Variants in BPTF observed in about 807,000 individuals in gnomAD.
BPTF encodes the protein nucleosome-remodeling factor subunit BPTF.
In BPTF, 18 loss-of-function variants were observed where a neutral mutation model predicts 292.5. That is an observed-to-expected ratio of 0.06 (90% CI 0.04 to 0.09). The LOEUF (loss-of-function observed/expected upper bound fraction) is 0.09, where lower values mean the gene tolerates loss of function less well. BPTF is among the 10% of genes least tolerant of loss of function. BPTF has a pLI of 1.00. For missense variants in BPTF, 2,726 were observed against 3,498.7 expected, an observed-to-expected ratio of 0.78 and a Z score of 5.57; for synonymous variants, 1,225 against 1,251.9, an observed-to-expected ratio of 0.98 and a Z score of 0.45.
chr17:67,909,658 A>G lies in BPTF; in HGVS notation c.2889A>G (p.Ile963Met), dbSNP rs757437994. 1 of 1,604,574 alleles carries G rather than the reference A, an allele frequency of 6.2e-7. No homozygotes were observed. Among genetic ancestry groups the G allele is most frequent in the Non-Finnish European group, 8.5e-7 (1 of 1,177,138 alleles). ...CACGAAGTCCAAAAAAAATAAAAAT[A>G]GAGCCTGATTCTGAAAAAGATGAGG... is the stretch of plus-strand genomic sequence containing the variant. ...KCSRSPKKIK[I>M]EPDSEKDEVK... Residue 963 changes from isoleucine (I) to methionine (M), a missense_variant, in exon 10 of 28, where the codon ATA becomes ATG. Ile to Met is a conservative substitution (Grantham distance 10). Transcript: ENST00000306378.
chr17:67,873,541 G>T (rs1266927814), intron 3 of BPTF, among the ~76,000 whole-genome samples: 2 of 151,624 alleles, frequency 1.3e-5, no homozygotes, highest in East Asian at 3.9e-4. Context: ...TTATTTTTAT[G>T]AGGAAACAGT....
At chr17:67,916,462 C>T (rs887845933) in intron 11 of BPTF, among the ~76,000 whole-genome samples, 4 of 152,120 alleles carry the variant, frequency 2.6e-5, no homozygotes, top group African/African-American at 9.6e-5. Context: ...TGGTGGCGGG[C>T]GCCTGTAATC....
At chr17:67,931,780 G>C in intron 17 of BPTF, 131 bp from the exon 18 acceptor site, 1 of 605,070 alleles carries the variant, frequency 1.7e-6, no homozygotes, top group Non-Finnish European at 2.7e-6. Flanking sequence ...AAAATGTAAT[G>C]TTCAAGAGCC....
At chr17:67,828,588 G>T (rs2056340205) in intron 1 of BPTF, among the ~76,000 whole-genome samples, 3 of 152,146 alleles carry the variant, frequency 2.0e-5, no homozygotes, top group South Asian at 4.1e-4. Context: ...GAGTGCAATG[G>T]CACAATCTTG....
chr17:67,923,032 T>C lies in BPTF; in HGVS notation c.5708+42T>C, dbSNP rs770918090. 49 of 1,572,192 alleles carry C rather than the reference T, an allele frequency of 3.1e-5. 1 individual carries two copies. In the South Asian group the frequency reaches 5.3e-4, roughly 17 times the overall value. On this transcript the variant is annotated intron_variant, in intron 14 of 27. Transcript: ENST00000306378. Reference sequence around the variant, plus strand: ...TACCTGGTCAGCTATTTGAAGATTTTATCACTTCAGAATCAATAAATTACT... The same window carrying C: ...TACCTGGTCAGCTATTTGAAGATTTCATCACTTCAGAATCAATAAATTACT...
chr17:67,905,998 A>G (rs756529581), intron 9 of BPTF, among the ~76,000 whole-genome samples: 2 of 152,126 alleles, frequency 1.3e-5, no homozygotes, highest in Non-Finnish European at 2.9e-5. Flanking sequence ...ATGTATACAT[A>G]TGTCACAAAC....
At chr17:67,836,498 A>C (rs2057142938) in intron 1 of BPTF, among the ~76,000 whole-genome samples, 1 of 152,200 alleles carries the variant, frequency 6.6e-6, no homozygotes, top group African/African-American at 2.4e-5. Context: ...GTCCTGTTCT[A>C]ATTCTTGCAT....
At chr17:67,896,595 G>A (rs1054900884) in intron 7 of BPTF, among the ~76,000 whole-genome samples, 1 of 152,182 alleles carries the variant, frequency 6.6e-6, no homozygotes, top group African/African-American at 2.4e-5. Flanking sequence ...GATTTTAAAA[G>A]CATGTGTGAT....
At chr17:67,979,485 A>G (rs2070046539) in intron 27 of BPTF, among the ~76,000 whole-genome samples, 1 of 152,112 alleles carries the variant, frequency 6.6e-6, no homozygotes, top group African/African-American at 2.4e-5. Context: ...CGGAGGTTGC[A>G]GTGCACCAAG....
chr17:67,951,754 T>G (rs538608640), intron 23 of BPTF: 1 of 152,160 alleles, frequency 6.6e-6, no homozygotes, highest in South Asian at 2.1e-4. Context: ...GGAAGAAAAG[T>G]TATACTTTGA....
Position 67,964,468 on chromosome 17 carries a change from C to G in BPTF, c.8454+64C>G. On this transcript the variant is annotated intron_variant, in intron 25 of 27. Transcript: ENST00000306378. The stretch of plus-strand genomic sequence containing the variant: ...AGCCAGCATAATTTTGGAAGCATTT[C>G]TAGGATTTCAAGTTTCCAATCTTAG... The G allele has an allele frequency of 5.3e-6, 8 of 1,502,894 alleles. No homozygotes were observed. The South Asian group carries it at 8.7e-5, about 16-fold the overall frequency. 93.1% of individuals were successfully genotyped at this position (1,502,894 alleles called of 1,614,324 possible).
chr17:67,928,328 C>T (rs778996553), intron 15 of BPTF, 27 bp from the exon 16 acceptor site: 2 of 1,577,904 alleles, frequency 1.3e-6, no homozygotes, highest in East Asian at 2.2e-5. Flanking sequence ...TATTTTGATT[C>T]ATGTTTCCTC....
At position 67,881,852 on chromosome 17, in the gene BPTF, G is replaced by GT. The variant is rs1280950839; in HGVS notation, c.1864+6837dup. On this transcript the variant is annotated intron_variant, in intron 4 of 27. Transcript: ENST00000306378. ...TAATATGGAGTTTTGGGGATTTTGG[G>GT]TTTTTGTTTTTTTTTTTTTTTTTTT... Among the ~76,000 whole-genome samples, 321 of 38,304 alleles carry GT rather than the reference G, an allele frequency of 8.4e-3. 1 individual carries two copies. The highest frequency in any genetic ancestry group is 0.023 in the East Asian group (29 of 1,284). 25.1% of individuals were successfully genotyped at this position (38,304 alleles called of 152,430 possible). A position where few individuals can be genotyped will look rare whatever the true frequency, so the allele number is the denominator to read the frequency against.
intron 19 of BPTF, among the ~76,000 whole-genome samples, chr17:67,941,716 T>G (rs991920510): frequency 1.7e-4 from 26 of 152,204 alleles, no homozygotes; most frequent in African/African-American, 6.0e-4. Flanking sequence ...TAAACTCAAT[T>G]CCAGGAGGAT....
At position 67,912,143 on chromosome 17, in the gene BPTF, G is replaced by C. The variant is rs747435319; in HGVS notation, c.4259G>C (p.Gly1420Ala). Residue 1420 changes from glycine to alanine, a missense_variant, in exon 11 of 28, where the codon GGT (glycine) becomes GCT (alanine). Gly to Ala is a moderately conservative substitution (Grantham distance 60). This residue lies in a region of BPTF where 713 missense variants were observed against 714.9 expected (regional missense o/e 1.00). Coordinates refer to ENST00000306378, the MANE Select transcript of BPTF (RefSeq NM_182641.4). Reference protein sequence around the residue: ...KDNKPKIYLKGECLKEISESR... With the variant: ...KDNKPKIYLKAECLKEISESR... ...AATAAACCCAAAATATATTTGAAAG[G>C]TGAATGCTTGAAAGAAATTTCTGAG... 6.2e-7 allele frequency: 1 copy of C among 1,612,240 alleles called. No individual in the cohort carries two copies. Among genetic ancestry groups the C allele is most frequent in the South Asian group, 1.1e-5 (1 of 90,476 alleles).
At position 67,857,751 on chromosome 17, in the gene BPTF, G is replaced by C. The variant is rs117311772; in HGVS notation, c.1436+2989G>C. 8.9e-4 allele frequency among the ~76,000 whole-genome samples: 135 copies of C among 151,026 alleles called. 3 individuals are homozygous for C. The East Asian group carries it at 0.024, about 26-fold the overall frequency. On this transcript the variant is annotated intron_variant, in intron 2 of 27. Coordinates refer to ENST00000306378, the MANE Select transcript of BPTF (RefSeq NM_182641.4). The stretch of plus-strand genomic sequence containing the variant: ...CAAAGTGCTGGGATTATAGGCGTGA[G>C]CCACTGCGTCTAGACTAACAATATT...
rs941221873 is a variant in BPTF at position 67,882,141 on chromosome 17, T to C, written c.1864+7121T>C. On this transcript the variant is annotated intron_variant, in intron 4 of 27. Coordinates refer to ENST00000306378, the MANE Select transcript of BPTF (RefSeq NM_182641.4). ...TGAGCTACCGTGCTGGCCGGACTTC[T>C]TGCTTTTTAGCAGAATAAAATGTTT... Among the ~76,000 whole-genome samples, 58 of 152,262 alleles carry C rather than the reference T, an allele frequency of 3.8e-4. 1 individual carries two copies. The highest frequency in any genetic ancestry group is 1.3e-3 in the African/African-American group (55 of 41,578).
At chr17:67,922,334 A>T (rs116120133) in intron 13 of BPTF, among the ~76,000 whole-genome samples, 1 of 151,994 alleles carries the variant, frequency 6.6e-6, no homozygotes, top group Non-Finnish European at 1.5e-5. Context: ...GATTTTATCT[A>T]TTCTTAGGTT....
intron 2 of BPTF, among the ~76,000 whole-genome samples, chr17:67,862,277 A>G (rs1334591013): frequency 6.6e-6 from 1 of 152,188 alleles, no homozygotes; most frequent in Non-Finnish European, 1.5e-5. Flanking sequence ...TGCCCGGCCT[A>G]GTTACTTGTT....
Sources: allele counts gnomAD v4.1 joint callset (sites outside exome capture counted in the v4.1 genomes callset), GRCh38; gene constraint gnomAD v4.1.1; regional missense constraint gnomAD v4.1.1; transcripts MANE v1.5; gene names NCBI Gene and HGNC (gene_info 2026-07-23, HGNC 2026-07-21).